RYR2: variants seen among roughly 807,000 people sequenced by gnomAD.
The protein encoded by RYR2 is cardiac muscle ryanodine receptor-calcium release channel.
A neutral mutation model predicts 601.1 loss-of-function variants in RYR2; 227 were observed. The observed-to-expected ratio is 0.38, with a 90% CI of 0.34 to 0.42. The LOEUF (loss-of-function observed/expected upper bound fraction) is 0.42, where lower values mean the gene tolerates loss of function less well. Ranked by LOEUF, RYR2 falls within the 10% of genes least tolerant of loss-of-function variation. The probability of loss-of-function intolerance (pLI) is 1.00; values close to 1 mark genes in which losing one functional copy is unlikely to be tolerated. For missense variants in RYR2, 4,646 were observed against 6,156.5 expected (o/e 0.75, Z 8.21); for synonymous variants, 2,223 against 2,175.1 (o/e 1.02, Z -0.61).
chr1:237,404,063 G>T (rs7547960), intron 10 of RYR2, among the ~76,000 whole-genome samples: 6 of 152,096 alleles, frequency 3.9e-5, no homozygotes, highest in African/African-American at 1.4e-4. Flanking sequence ...AGACCAGCCT[G>T]GGAAACATGG....
At chr1:237,421,037 G>A (rs1572244052) in intron 11 of RYR2, among the ~76,000 whole-genome samples, 1 of 152,170 alleles carries the variant, frequency 6.6e-6, no homozygotes, top group Non-Finnish European at 1.5e-5. Context: ...TCAGGAGATC[G>A]AGACCATCCT....
At chr1:237,428,435 A>G (rs935618111) in intron 12 of RYR2, among the ~76,000 whole-genome samples, 1 of 152,216 alleles carries the variant, frequency 6.6e-6, no homozygotes. Context: ...GAATGAGATA[A>G]TGTCCTTTGA....
intron 10 of RYR2, among the ~76,000 whole-genome samples, chr1:237,401,167 T>C (rs1426047109): frequency 6.6e-6 from 1 of 152,186 alleles, no homozygotes; most frequent in Non-Finnish European, 1.5e-5. Context: ...AAATTACATA[T>C]AAAACTCAAA....
chr1:237,265,392 G>C (rs1374920696), intron 1 of RYR2, among the ~76,000 whole-genome samples: 1 of 151,992 alleles, frequency 6.6e-6, no homozygotes, highest in Non-Finnish European at 1.5e-5. Context: ...CACAATCTCG[G>C]ATCACTGCAA....
chr1:237,548,644 AT>A, intron 26 of RYR2, 54 bp downstream of exon 26: 1 of 1,587,514 alleles, frequency 6.3e-7, no homozygotes, highest in South Asian at 1.1e-5. Flanking sequence ...AATTAGCATA[AT>A]TTGTAACAGG....
intron 1 of RYR2, among the ~76,000 whole-genome samples, chr1:237,250,164 G>C (rs956674062): frequency 6.6e-6 from 1 of 152,164 alleles, no homozygotes; most frequent in Non-Finnish European, 1.5e-5. Context: ...TTAACAGCTG[G>C]GGAGACGGGC....
intron 19 of RYR2, among the ~76,000 whole-genome samples, chr1:237,493,720 G>T (rs1238239633): frequency 6.6e-6 from 1 of 152,194 alleles, no homozygotes; most frequent in Non-Finnish European, 1.5e-5. Flanking sequence ...CCAAAATGCT[G>T]GGATTACAGG....
At chr1:237,681,529 T>C (rs1383711514) in intron 62 of RYR2, among the ~76,000 whole-genome samples, 2 of 152,324 alleles carry the variant, frequency 1.3e-5, no homozygotes, top group East Asian at 1.9e-4. Context: ...TCATGTGATA[T>C]GGGATTGCAA....
intron 1 of RYR2, among the ~76,000 whole-genome samples, chr1:237,094,769 T>A (rs1253680322): frequency 1.3e-5 from 2 of 152,152 alleles, no homozygotes; most frequent in Non-Finnish European, 2.9e-5. Flanking sequence ...TTTTTTGTAT[T>A]TTCGGTAGAG....
intron 83 of RYR2, 141 bp from the exon 84 acceptor site, chr1:237,760,814 C>CAATGAATGGGAGACATGT (rs1558359556): frequency 9.8e-6 from 6 of 611,042 alleles, no homozygotes; most frequent in Admixed American, 3.1e-5. Context: ...GGTTGGTACG[C>CAATGAATGGGAGACATGT]AATGAATGGA....
At chr1:237,723,070 T>C in intron 73 of RYR2, 58 bp from the exon 74 acceptor site, 1 of 1,486,256 alleles carries the variant, frequency 6.7e-7, no homozygotes, top group Non-Finnish European at 9.2e-7. Context: ...ATCTTTAGAT[T>C]GTAACCTTGT....
intron 1 of RYR2, among the ~76,000 whole-genome samples, chr1:237,138,879 T>C (rs1359817875): frequency 6.6e-6 from 1 of 152,206 alleles, no homozygotes; most frequent in Admixed American, 6.5e-5. Flanking sequence ...AGAATGACTG[T>C]AATAAAGGCA....
chr1:237,394,761 G>A (rs1002968432), intron 10 of RYR2, among the ~76,000 whole-genome samples: 1 of 152,090 alleles, frequency 6.6e-6, no homozygotes, highest in Non-Finnish European at 1.5e-5. Flanking sequence ...CTATCTTTCT[G>A]GAACTCACCG....
At chr1:237,627,770 A>G (rs766602540) in intron 40 of RYR2, 37 bp from the exon 41 acceptor site, 2 of 1,525,078 alleles carry the variant, frequency 1.3e-6, no homozygotes, top group East Asian at 4.9e-5. Flanking sequence ...GTCTTCTCTT[A>G]TTTTTCTTTT....
chr1:237,400,118 T>C (rs1176971823), intron 10 of RYR2, among the ~76,000 whole-genome samples: 2 of 152,038 alleles, frequency 1.3e-5, no homozygotes, highest in Non-Finnish European at 2.9e-5. Context: ...TGTATCAAAA[T>C]CAAAATCTTT....
chr1:237,668,631 CACA>C (rs1311628488), intron 58 of RYR2, among the ~76,000 whole-genome samples: 3 of 152,196 alleles, frequency 2.0e-5, no homozygotes. Flanking sequence ...AGCTCAGGGC[CACA>C]ACATTTATTT....
intron 24 of RYR2, among the ~76,000 whole-genome samples, chr1:237,523,593 T>G (rs1667294748): frequency 6.6e-6 from 1 of 151,908 alleles, no homozygotes; most frequent in South Asian, 2.1e-4. Flanking sequence ...AAAAAGTAGC[T>G]GCACGTGGTG....
In RYR2 at chr1:237,778,681, A is replaced by G. The variant is rs1251315325; in HGVS notation, c.11791A>G (p.Asn3931Asp). 1 of 1,602,256 alleles carries G rather than the reference A, an allele frequency of 6.2e-7. No homozygotes were observed. Among genetic ancestry groups the G allele is most frequent in the Non-Finnish European group, 8.5e-7 (1 of 1,170,166 alleles). Residue 3931 changes from asparagine (N) to aspartate (D), a missense_variant, in exon 88 of 105, where the codon AAT (asparagine) becomes GAT (aspartate). Coordinates refer to ENST00000366574, the MANE Select transcript of RYR2 (RefSeq NM_001035.3). The stretch of plus-strand genomic sequence containing the variant: ...TATGCTCCAGGGTCCTTGCACTGGG[A>G]ATCAACAGAGTTTGGCACACAGCAG... ...TEYIQGPCTG[N>D]QQSLAHSRLW...
chr1:237,308,572 G>A (rs1267730861), intron 2 of RYR2, among the ~76,000 whole-genome samples: 1 of 152,168 alleles, frequency 6.6e-6, no homozygotes, highest in Non-Finnish European at 1.5e-5. Flanking sequence ...CTTAAAGGTG[G>A]TGTGTCCAGA....
Sources: allele counts gnomAD v4.1 joint callset (sites outside exome capture counted in the v4.1 genomes callset), GRCh38; gene constraint gnomAD v4.1.1; transcripts MANE v1.5; gene names NCBI Gene and HGNC (gene_info 2026-07-23, HGNC 2026-07-21).